Variants in SYN3 observed in about 807,000 individuals in gnomAD.
The protein encoded by SYN3 is synapsin III, also known as synapsin-3.
In SYN3, 35 loss-of-function variants were observed where a neutral mutation model predicts 65.8. The ratio of observed to expected loss-of-function variants is 0.53; its 90% CI spans 0.41 to 0.70. The LOEUF is 0.70. SYN3 is among the 30% of genes least tolerant of loss of function. SYN3 has a pLI of 0.00. For missense variants in SYN3, 680 were observed against 749.0 expected, an observed-to-expected ratio of 0.91 and a Z score of 1.08; for synonymous variants, 270 against 292.9, an observed-to-expected ratio of 0.92 and a Z score of 0.80.
intron 3 of SYN3, among the ~76,000 whole-genome samples, chr22:32,962,905 ATATT>A (rs1227272335): frequency 2.0e-5 from 3 of 151,204 alleles, no homozygotes; most frequent in South Asian, 4.2e-4. Flanking sequence ...ATATATATAA[ATATT>A]TATCTATCAA....
chr22:33,030,067 T>A (rs561924468), intron 1 of SYN3, among the ~76,000 whole-genome samples: 1 of 152,214 alleles, frequency 6.6e-6, no homozygotes, highest in African/African-American at 2.4e-5. Flanking sequence ...GTTCCTGAAG[T>A]TCCCTGTGCA....
chr22:32,711,194 G>A (rs2060960823), intron 6 of SYN3, among the ~76,000 whole-genome samples: 2 of 152,284 alleles, frequency 1.3e-5, no homozygotes, highest in South Asian at 2.1e-4. Flanking sequence ...TAACAGCTGG[G>A]TGGCCAGGAT....
chr22:32,698,275 C>T (rs929755229), intron 6 of SYN3, among the ~76,000 whole-genome samples: 2 of 152,142 alleles, frequency 1.3e-5, no homozygotes, highest in East Asian at 3.9e-4. Flanking sequence ...AGGGGTTTGA[C>T]ATCACATATC....
chr22:32,534,567 T>G (rs2058132039), intron 9 of SYN3, among the ~76,000 whole-genome samples: 1 of 152,200 alleles, frequency 6.6e-6, no homozygotes, highest in Non-Finnish European at 1.5e-5. Context: ...TGGGGACAGA[T>G]CTCAGCACTG....
At chr22:32,653,442 G>T (rs552176359) in intron 6 of SYN3, among the ~76,000 whole-genome samples, 6 of 152,184 alleles carry the variant, frequency 3.9e-5, no homozygotes, top group Admixed American at 1.3e-4. Context: ...AACAAAAAAG[G>T]TTTACAAGAA....
intron 2 of SYN3, among the ~76,000 whole-genome samples, chr22:32,985,880 T>G (rs918462604): frequency 4.6e-5 from 7 of 151,954 alleles, no homozygotes; most frequent in African/African-American, 2.4e-5. Flanking sequence ...ATCCTATGAG[T>G]GATATCTACT....
chr22:32,987,577 C>T (rs1056270795), intron 2 of SYN3, among the ~76,000 whole-genome samples: 3 of 152,136 alleles, frequency 2.0e-5, no homozygotes, highest in African/African-American at 7.2e-5. Flanking sequence ...GGAAGGAATG[C>T]ACTAAGAGTG....
At position 32,508,385 on chromosome 22, in the gene SYN3, C is replaced by T. The variant is rs2057655245; in HGVS notation, c.*5307G>A. Among the ~76,000 whole-genome samples, 2 of 152,146 alleles carry T rather than the reference C, an allele frequency of 1.3e-5. No homozygotes were observed. Among genetic ancestry groups the T allele is most frequent in the Non-Finnish European group, 2.9e-5 (2 of 68,032 alleles). ...CCAAATCCTATAAAACGGCCCCATC[C>T]CTACTCCCTTTGCTGACTCTCTTTT... On this transcript the variant is annotated 3_prime_UTR_variant, in exon 14 of 14. Transcript: ENST00000358763.
intron 6 of SYN3, among the ~76,000 whole-genome samples, chr22:32,752,188 G>A (rs572430449): frequency 6.6e-4 from 101 of 152,108 alleles, no homozygotes; most frequent in Non-Finnish European, 1.3e-3. Context: ...CCTTACTGAG[G>A]GTAAAGCTGG....
At chr22:32,664,801 AG>A in intron 6 of SYN3, among the ~76,000 whole-genome samples, 1 of 151,338 alleles carries the variant, frequency 6.6e-6, no homozygotes, top group South Asian at 2.1e-4. Flanking sequence ...TGTGTTAGCC[AG>A]GATGGTCTCG....
rs553969379 is a variant in SYN3 at position 32,708,155 on chromosome 22, T to G, written c.712-111419A>C. 1.2e-3 allele frequency among the ~76,000 whole-genome samples: 180 copies of G among 152,334 alleles called. 1 individual carries two copies. The highest frequency in any genetic ancestry group is 4.1e-3 in the African/African-American group (169 of 41,574). ...GTAATAAAAAAAGCACTGTGACTAA[T>G]GGAGTGTGTGATCTGCAGCAGGCAG... On this transcript the variant is annotated intron_variant, in intron 6 of 13. Transcript: ENST00000358763.
In SYN3 at chr22:32,776,635, T is replaced by C. The variant is rs1273360711; in HGVS notation, c.711+88280A>G. Among the ~76,000 whole-genome samples the C allele has an allele frequency of 2.0e-5, 3 of 152,210 alleles. 1 individual carries two copies. The highest frequency in any genetic ancestry group is 7.2e-5 in the African/African-American group (3 of 41,456). ...GCTCTTTGCACCAGAATGGATGCTC[T>C]GTTTCCTGAGCCAGTCACGCAGCCT... On this transcript the variant is annotated intron_variant, in intron 6 of 13. Coordinates refer to ENST00000358763, the MANE Select transcript of SYN3 (RefSeq NM_003490.4).
chr22:32,524,404 G>A (rs1259736169), intron 12 of SYN3, among the ~76,000 whole-genome samples: 1 of 152,158 alleles, frequency 6.6e-6, no homozygotes, highest in African/African-American at 2.4e-5. Context: ...TAACCATTCT[G>A]GAAATCCTAG....
intron 6 of SYN3, among the ~76,000 whole-genome samples, chr22:32,645,359 GA>G (rs1040440465): frequency 1.3e-5 from 2 of 151,638 alleles, no homozygotes; most frequent in African/African-American, 4.9e-5. Context: ...GCTGAGGCAG[GA>G]GAATCACTTG....
intron 6 of SYN3, among the ~76,000 whole-genome samples, chr22:32,666,095 A>G (rs1310868629): frequency 1.3e-5 from 2 of 152,092 alleles, no homozygotes; most frequent in East Asian, 3.9e-4. Flanking sequence ...TCCATGAGCA[A>G]ATCCTAAAGC....
intron 1 of SYN3, among the ~76,000 whole-genome samples, chr22:33,012,018 T>C (rs139797428): frequency 6.6e-6 from 1 of 152,088 alleles, no homozygotes; most frequent in East Asian, 1.9e-4. Flanking sequence ...AATTTCTCCA[T>C]TGTTTGTTTT....
At chr22:32,528,595 A>G (rs1479860131) in intron 11 of SYN3, among the ~76,000 whole-genome samples, 1 of 152,224 alleles carries the variant, frequency 6.6e-6, no homozygotes, top group African/African-American at 2.4e-5. Context: ...ACAGCAGTCG[A>G]TCATCTCTGC....
At chr22:32,699,142 G>A (rs749180005) in intron 6 of SYN3, among the ~76,000 whole-genome samples, 9 of 152,204 alleles carry the variant, frequency 5.9e-5, no homozygotes, top group Non-Finnish European at 1.2e-4. Flanking sequence ...TGAGCTTGGC[G>A]GAGCACATTG....
intron 3 of SYN3, among the ~76,000 whole-genome samples, chr22:32,968,420 T>C (rs897651484): frequency 6.6e-6 from 1 of 152,192 alleles, no homozygotes; most frequent in Non-Finnish European, 1.5e-5. Flanking sequence ...TGTCAGCCTG[T>C]GCATTCTAAA....
Sources: gnomAD v4.1 joint callset for allele counts (sites outside exome capture counted in the v4.1 genomes callset) on GRCh38, gnomAD v4.1.1 for gene constraint, MANE v1.5 for transcripts, NCBI Gene and HGNC (gene_info 2026-07-23, HGNC 2026-07-21) for gene names.